The following POFUT2 variants were observed in gnomAD, a reference collection of about 807,000 sequenced individuals.
The protein encoded by POFUT2 is protein O-fucosyltransferase 2.
In POFUT2, 30 loss-of-function variants were observed where a neutral mutation model predicts 55.0. That is an observed-to-expected ratio of 0.55 (90% confidence interval 0.41 to 0.74). POFUT2 has a LOEUF of 0.74. Among genes scored for constraint, POFUT2 ranks in the 30% least tolerant of loss-of-function variants. POFUT2 has a pLI of 0.00. For synonymous variants in POFUT2, 267 were observed against 231.1 expected (o/e 1.16, Z -1.41); for missense variants, 524 against 562.6 (o/e 0.93, Z 0.69).
intron 6 of POFUT2, among the ~76,000 whole-genome samples, chr21:45,276,744 C>CT (rs1001163892): frequency 1.3e-5 from 2 of 152,182 alleles, no homozygotes; most frequent in African/African-American, 4.8e-5. Context: ...CTGAGAACAC[C>CT]TTTGAGTCCG....
chr21:45,283,446 T>C lies in POFUT2; in HGVS notation c.464A>G (p.Lys155Arg), dbSNP rs1396184627. 6.2e-7 allele frequency: 1 copy of C among 1,613,700 alleles called. No individual in the cohort carries two copies. Among genetic ancestry groups the C allele is most frequent in the South Asian group, 1.1e-5 (1 of 91,078 alleles). Residue 155 changes from lysine to arginine, a missense_variant, in exon 3 of 9, where the codon AAG becomes AGG. Lys to Arg is a conservative substitution (Grantham distance 26). This residue lies in a region of POFUT2 where 274 missense variants were observed against 244.4 expected (regional missense o/e 1.12). Coordinates refer to ENST00000349485, the MANE Select transcript of POFUT2 (RefSeq NM_133635.6). ...ATCAATACACGGCCGCTCGTCCACCTTCTCTTCCCAGGTCCCTTCTTTCCA... is the reference window on the plus strand; with the variant it reads ...ATCAATACACGGCCGCTCGTCCACCCTCTCTTCCCAGGTCCCTTCTTTCCA... Reference protein sequence around the residue: ...EGWKEGTWEEKVDERPCIDQL... With the variant: ...EGWKEGTWEERVDERPCIDQL...
chr21:45,270,145 C>T lies in POFUT2; in HGVS notation c.832-126G>A. ...ATGTGGCCTCCTCCACGGGGTGGCT[C>T]CAGGGCTGTCTAAGGGATTCAGGTG... On this transcript the variant is annotated intron_variant, in intron 6 of 8. Transcript: ENST00000349485. The surrounding 1 kb of genome is among the most constrained non-coding windows in gnomAD (Gnocchi z 4.6). 3.3e-6 allele frequency: 2 copies of T among 600,322 alleles called. No individual in the cohort carries two copies. Among genetic ancestry groups the T allele is most frequent in the Non-Finnish European group, 5.2e-6 (2 of 384,398 alleles). 37.2% of individuals were successfully genotyped at this position (600,322 alleles called of 1,614,324 possible). A position where few individuals can be genotyped will look rare whatever the true frequency, so the allele number is the denominator to read the frequency against.
At position 45,282,334 on chromosome 21, in the gene POFUT2, G is replaced by A. The variant is rs1032194594; in HGVS notation, c.638+15C>T. 3.9e-6 allele frequency: 6 copies of A among 1,552,618 alleles called. No homozygotes were observed. Among genetic ancestry groups the A allele is most frequent in the Non-Finnish European group, 5.3e-6 (6 of 1,125,252 alleles). ...ACAGCCTCCAGGCTGCTCCCGGGGG[G>A]CCTGGGGCACTCACCGGGCTGATGT... On this transcript the variant is annotated intron_variant, in intron 4 of 8. Coordinates refer to ENST00000349485, the MANE Select transcript of POFUT2 (RefSeq NM_133635.6). This position sits in a 1 kb window ranked among gnomAD's most constrained non-coding sequence, Gnocchi z 4.6.
chr21:45,276,167 C>T (rs992763167), intron 6 of POFUT2, among the ~76,000 whole-genome samples: 3 of 150,602 alleles, frequency 2.0e-5, no homozygotes, highest in East Asian at 1.9e-4. Flanking sequence ...CCGGCCTGGG[C>T]GACAGAGTGA....
chr21:45,277,916 A>G lies in POFUT2; in HGVS notation c.705+187T>C, dbSNP rs2029998995. 1.5e-6 allele frequency: 1 copy of G among 653,424 alleles called. No individual in the cohort carries two copies. Among genetic ancestry groups the G allele is most frequent in the Non-Finnish European group, 2.7e-6 (1 of 366,964 alleles). The allele number at this position is 653,424 out of a possible 1,614,324, so 40.5% of individuals were successfully genotyped here. A position where few individuals can be genotyped will look rare whatever the true frequency, so the allele number is the denominator to read the frequency against. On this transcript the variant is annotated intron_variant, in intron 5 of 8. Transcript: ENST00000349485. The surrounding 1 kb of genome is among the most constrained non-coding windows in gnomAD (Gnocchi z 6.9). ...TGGGTGGCCCTGCGGGCTCCCGAGG[A>G]CCTGGCTCTGCAGCCACGTGAGGCT...
chr21:45,282,328 CG>C lies in POFUT2; in HGVS notation c.638+20del, dbSNP rs539597448. On this transcript the variant is annotated intron_variant, in intron 4 of 8. Coordinates refer to ENST00000349485, the MANE Select transcript of POFUT2 (RefSeq NM_133635.6). The surrounding 1 kb of genome is among the most constrained non-coding windows in gnomAD (Gnocchi z 4.6). ...GACGCCACAGCCTCCAGGCTGCTCC[CG>C]GGGGGCCTGGGGCACTCACCGGGCT... The C allele has an allele frequency of 4.7e-4, 709 of 1,511,652 alleles. 4 individuals carry two copies. In the South Asian group the frequency reaches 5.4e-3, roughly 11 times the overall value. 93.6% of individuals were successfully genotyped at this position (1,511,652 alleles called of 1,614,324 possible).
At position 45,267,212 on chromosome 21, in the gene POFUT2, TCAA is replaced by T. The variant is rs1338635942; in HGVS notation, c.1136+375_1136+377del. The T allele has an allele frequency of 5.0e-6, 7 of 1,401,638 alleles. No homozygotes were observed. Among genetic ancestry groups the T allele is most frequent in the South Asian group, 1.5e-5 (1 of 64,702 alleles). The allele number at this position is 1,401,638 out of a possible 1,614,324, so 86.8% of individuals were successfully genotyped here. ...CGGCCTCGGGGACGCTCACGGATGC[TCAA>T]CAACACAGCAACAAGGACATGCCCA... On this transcript the variant is annotated intron_variant, in intron 8 of 8. Coordinates refer to ENST00000349485, the MANE Select transcript of POFUT2 (RefSeq NM_133635.6). The surrounding 1 kb of genome is among the most constrained non-coding windows in gnomAD (Gnocchi z 4.4).
rs2030873355 is a variant in POFUT2 at position 45,282,947 on chromosome 21, A to C, written c.527+436T>G. 2.1e-6 allele frequency: 1 copy of C among 472,744 alleles called. No individual in the cohort carries two copies. The highest frequency in any genetic ancestry group is 4.4e-6 in the Non-Finnish European group (1 of 228,436). 29.3% of individuals were successfully genotyped at this position (472,744 alleles called of 1,614,324 possible). ...TGACAAGACCTCCATCCCTGTGGCA[A>C]CATCCAAATGCATGAAAAGACACAG... On this transcript the variant is annotated intron_variant, in intron 3 of 8. Transcript: ENST00000349485. The surrounding 1 kb of genome is among the most constrained non-coding windows in gnomAD (Gnocchi z 4.6).
At position 45,265,908 on chromosome 21, in the gene POFUT2, G is replaced by T; in HGVS notation, c.1137-273C>A. 7.6e-7 allele frequency: 1 copy of T among 1,312,276 alleles called. No individual in the cohort carries two copies. Among genetic ancestry groups the T allele is most frequent in the South Asian group, 1.5e-5 (1 of 65,192 alleles). The allele number at this position is 1,312,276 out of a possible 1,614,324, so 81.3% of individuals were successfully genotyped here. A position where few individuals can be genotyped will look rare whatever the true frequency, so the allele number is the denominator to read the frequency against. On this transcript the variant is annotated intron_variant, in intron 8 of 8. Coordinates refer to ENST00000349485, the MANE Select transcript of POFUT2 (RefSeq NM_133635.6). This position sits in a 1 kb window ranked among gnomAD's most constrained non-coding sequence, Gnocchi z 4.6. ...GCAGCCGCCACGCTCCTGTCCCACC[G>T]CATGTCCCCCTGGGAGCCCTCCTCT...
chr21:45,283,308 C>CCG, intron 3 of POFUT2, 75 bp downstream of exon 3: 1 of 442,168 alleles, frequency 2.3e-6, no homozygotes, highest in South Asian at 2.5e-5. Flanking sequence ...GCGCCTGAGG[C>CCG]GGGGGGGGGG....
Position 45,283,477 on chromosome 21 carries a change from C to T in POFUT2, c.433G>A (p.Glu145Lys), listed in dbSNP as rs1293682802. The T allele has an allele frequency of 6.2e-7, 1 of 1,613,964 alleles. No individual in the cohort carries two copies. Among genetic ancestry groups the T allele is most frequent in the South Asian group, 1.1e-5 (1 of 91,084 alleles). The change falls in exon 3 of 9, where the codon GAG becomes AAG. Residue 145 changes from glutamate to lysine, a missense_variant. This residue lies in a region of POFUT2 where 274 missense variants were observed against 244.4 expected (regional missense o/e 1.12). Coordinates refer to ENST00000349485, the MANE Select transcript of POFUT2 (RefSeq NM_133635.6). ...DQVYVLQSYA[E>K]GWKEGTWEEK... ...TCCCAGGTCCCTTCTTTCCACCCCT[C>T]TGCGTAACTTTGCAGGACGTAAACC...
rs540518453 is a variant in POFUT2 at position 45,265,457 on chromosome 21, G to A, written c.*25C>T. 134 of 1,587,168 alleles carry A rather than the reference G, an allele frequency of 8.4e-5. No homozygotes were observed. Among genetic ancestry groups the A allele is most frequent in the Non-Finnish European group, 1.1e-4 (124 of 1,166,988 alleles). On this transcript the variant is annotated 3_prime_UTR_variant, in exon 9 of 9. Coordinates refer to ENST00000349485, the MANE Select transcript of POFUT2 (RefSeq NM_133635.6). This position sits in a 1 kb window ranked among gnomAD's most constrained non-coding sequence, Gnocchi z 4.6. ...GCATCCACCCGCGCCTGTCGGGTCC[G>A]GGGAGCGGCCCTGGAGGATCCTCCT...
rs796576094 is a variant in POFUT2, at chr21:45,269,070, C to T, written c.1012+769G>A. ...CAGCCCCCCGCCTGGCCAGCCGCCC[C>T]GTCCGGGAGGTGAGGGGCGCCTCTG... On this transcript the variant is annotated intron_variant, in intron 7 of 8. Coordinates refer to ENST00000349485, the MANE Select transcript of POFUT2 (RefSeq NM_133635.6). Among the ~76,000 whole-genome samples, 392 of 119,898 alleles carry T rather than the reference C, an allele frequency of 3.3e-3. 27 individuals are homozygous for T. The highest frequency in any genetic ancestry group is 6.5e-3 in the South Asian group (21 of 3,250). The allele number at this position is 119,898 out of a possible 152,430, so 78.7% of individuals were successfully genotyped here.
chr21:45,285,358 A>T lies in POFUT2; in HGVS notation c.382+320T>A, dbSNP rs536590056. Reference sequence around the variant, plus strand: ...ACGTAAAACAGCCTTTCGCACAGGGAGCCGAGTCCTGTCACTATAACACCC... The same window carrying T: ...ACGTAAAACAGCCTTTCGCACAGGGTGCCGAGTCCTGTCACTATAACACCC... On this transcript the variant is annotated intron_variant, in intron 2 of 8. Coordinates refer to ENST00000349485, the MANE Select transcript of POFUT2 (RefSeq NM_133635.6). The surrounding 1 kb of genome is among the most constrained non-coding windows in gnomAD (Gnocchi z 4.9). 21 of 382,868 alleles carry T rather than the reference A, an allele frequency of 5.5e-5. No individual in the cohort carries two copies. Among genetic ancestry groups the T allele is most frequent in the Admixed American group, 2.6e-4 (7 of 26,778 alleles). 23.7% of individuals were successfully genotyped at this position (382,868 alleles called of 1,614,324 possible).
intron 4 of POFUT2, among the ~76,000 whole-genome samples, chr21:45,280,789 G>A (rs1360920378): frequency 6.6e-6 from 1 of 151,686 alleles, no homozygotes; most frequent in Non-Finnish European, 1.5e-5. Context: ...CACGGATCCC[G>A]TCTTGGACTC....
rs1298376047 is a variant in POFUT2, at chr21:45,265,775, C to T, written c.1137-140G>A. On this transcript the variant is annotated intron_variant, in intron 8 of 8. Transcript: ENST00000349485. The surrounding 1 kb of genome is among the most constrained non-coding windows in gnomAD (Gnocchi z 4.6). ...ACCAACACGGCCGTCCCCCGAGCAC[C>T]CACCAGCCGGCCGCCCCCTTGCTGG... 2.8e-6 allele frequency: 4 copies of T among 1,437,026 alleles called. No homozygotes were observed. The highest frequency in any genetic ancestry group is 3.6e-6 in the Non-Finnish European group (4 of 1,099,790). The allele number at this position is 1,437,026 out of a possible 1,614,324, so 89.0% of individuals were successfully genotyped here. A position where few individuals can be genotyped will look rare whatever the true frequency, so the allele number is the denominator to read the frequency against.
rs2093132438 is a variant in POFUT2, at chr21:45,263,990, A to T, written c.*1492T>A. The T allele has an allele frequency of 6.6e-6, 1 of 152,276 alleles. No homozygotes were observed. Among genetic ancestry groups the T allele is most frequent in the Admixed American group, 6.5e-5 (1 of 15,286 alleles). The allele number at this position is 152,276 out of a possible 1,614,324, so 9.4% of individuals were successfully genotyped here. Reference sequence around the variant, plus strand: ...GGAAGGTACATGGTCACAGTCCAAAATGTTTTATACAGCTCTCAGCCTGGA... The same window carrying T: ...GGAAGGTACATGGTCACAGTCCAAATTGTTTTATACAGCTCTCAGCCTGGA... On this transcript the variant is annotated 3_prime_UTR_variant, in exon 9 of 9. Transcript: ENST00000349485.
In POFUT2 at chr21:45,277,416, C is replaced by T. The variant is rs980584365; in HGVS notation, c.706-274G>A. 2.2e-5 allele frequency: 10 copies of T among 454,584 alleles called. No homozygotes were observed. The highest frequency in any genetic ancestry group is 1.1e-4 in the Admixed American group (3 of 27,282). The allele number at this position is 454,584 out of a possible 1,614,324, so 28.2% of individuals were successfully genotyped here. ...GCGGCACACACTGGGCTCAGCTGGC[C>T]GTTGCCCCTGGCTGGCACAACTGTG... On this transcript the variant is annotated intron_variant, in intron 5 of 8. Transcript: ENST00000349485. This position sits in a 1 kb window ranked among gnomAD's most constrained non-coding sequence, Gnocchi z 6.9.
intron 4 of POFUT2, 86 bp from the exon 5 acceptor site, chr21:45,278,255 C>T: frequency 8.4e-7 from 1 of 1,188,630 alleles, no homozygotes; most frequent in Non-Finnish European, 1.3e-6. Context: ...TGGGAGAACC[C>T]CGGGCCGAGG....
Sources: gnomAD v4.1 joint callset for allele counts (sites outside exome capture counted in the v4.1 genomes callset) on GRCh38, gnomAD v4.1.1 for gene constraint, gnomAD v4.1.1 regional missense constraint, Gnocchi (gnomAD v3.1) non-coding constraint, MANE v1.5 for transcripts, NCBI Gene and HGNC (gene_info 2026-07-23, HGNC 2026-07-21) for gene names.